GJB7: variants seen among roughly 807,000 people sequenced by gnomAD.
GJB7 encodes gap junction protein beta 7.
For missense variants in GJB7, 253 were observed against 256.8 expected (o/e 0.99, Z 0.10); for synonymous variants, 87 against 95.2 (o/e 0.91, Z 0.50).
chr6:87,289,620 A>G (rs1319470125), intron 2 of GJB7, among the ~76,000 whole-genome samples: 1 of 152,210 alleles, frequency 6.6e-6, no homozygotes, highest in Non-Finnish European at 1.5e-5. Context: ...ATCCCTTAGA[A>G]TAGATTGAGT....
chr6:87,300,784 T>G (rs977652901), intron 2 of GJB7, among the ~76,000 whole-genome samples: 1 of 152,242 alleles, frequency 6.6e-6, no homozygotes, highest in Non-Finnish European at 1.5e-5. Flanking sequence ...ATTTTAGTGC[T>G]TACTATCACC....
intron 2 of GJB7, among the ~76,000 whole-genome samples, chr6:87,286,323 C>T (rs1386364509): frequency 6.6e-6 from 1 of 152,198 alleles, no homozygotes; most frequent in African/African-American, 2.4e-5. Flanking sequence ...ACCCAAGCGC[C>T]TGTCAGAAAT....
chr6:87,298,794 T>G (rs1450476749), intron 2 of GJB7: 1 of 285,746 alleles, frequency 3.5e-6, no homozygotes, highest in Non-Finnish European at 7.3e-6. Context: ...CCCACAGTCT[T>G]GCCAGATGAG....
chr6:87,291,418 C>T (rs775883794), intron 2 of GJB7, among the ~76,000 whole-genome samples: 13 of 152,184 alleles, frequency 8.5e-5, no homozygotes, highest in Non-Finnish European at 1.3e-4. Context: ...ACACCACTTG[C>T]AAGGTTTTTA....
chr6:87,286,631 C>G (rs753216508), intron 2 of GJB7, among the ~76,000 whole-genome samples: 2 of 152,310 alleles, frequency 1.3e-5, no homozygotes, highest in Non-Finnish European at 2.9e-5. Flanking sequence ...TTCTTTCTGG[C>G]ACTGACTGCT....
chr6:87,299,963 G>T, intron 2 of GJB7: 1 of 327,742 alleles, frequency 3.1e-6, no homozygotes. Flanking sequence ...TGGAGTAGCA[G>T]TGCTGAAGGC....
chr6:87,314,886 C>T (rs1304369154), intron 2 of GJB7, among the ~76,000 whole-genome samples: 3 of 152,160 alleles, frequency 2.0e-5, no homozygotes, highest in African/African-American at 4.8e-5. Context: ...ACAGAACTGA[C>T]ATTCTAATGG....
chr6:87,322,905 A>G lies in GJB7; in HGVS notation c.-67T>C, dbSNP rs1218680698. On this transcript the variant is annotated 5_prime_UTR_variant, in exon 2 of 3. Transcript: ENST00000525899. ...TTTGTTCGGTGCTTCATCCATGGAC[A>G]CCCCCACCCCGAGAACTCTCTCGTT... 1 of 151,506 alleles carries G rather than the reference A, an allele frequency of 6.6e-6. No individual in the cohort carries two copies. Among genetic ancestry groups the G allele is most frequent in the Non-Finnish European group, 1.5e-5 (1 of 67,972 alleles). The allele number at this position is 151,506 out of a possible 1,614,324, so 9.4% of individuals were successfully genotyped here.
At chr6:87,314,048 TC>T (rs1776547236) in intron 2 of GJB7, among the ~76,000 whole-genome samples, 1 of 152,240 alleles carries the variant, frequency 6.6e-6, no homozygotes. Context: ...CTGGGACATC[TC>T]CCCTAAATAG....
intron 2 of GJB7, among the ~76,000 whole-genome samples, chr6:87,308,272 T>C (rs1776462731): frequency 6.6e-6 from 1 of 152,154 alleles, no homozygotes; most frequent in Non-Finnish European, 1.5e-5. Flanking sequence ...ATATACCTAA[T>C]GTAAATGACA....
chr6:87,296,013 G>T lies in GJB7; in HGVS notation c.-27-11074C>A, dbSNP rs532943319. 6.5e-3 allele frequency among the ~76,000 whole-genome samples: 990 copies of T among 152,280 alleles called. 14 individuals are homozygous for T. The highest frequency in any genetic ancestry group is 0.022 in the African/African-American group (896 of 41,550). On this transcript the variant is annotated intron_variant, in intron 2 of 2. Coordinates refer to ENST00000525899, the MANE Select transcript of GJB7 (RefSeq NM_198568.3). ...CCCTAATTAGTTTTCTGGTTGTTGAGTCAACAAATGAAAAGCCATATTTCA... is the reference window on the plus strand; with the variant it reads ...CCCTAATTAGTTTTCTGGTTGTTGATTCAACAAATGAAAAGCCATATTTCA...
intron 2 of GJB7, among the ~76,000 whole-genome samples, chr6:87,313,324 G>A (rs1247615162): frequency 2.0e-5 from 3 of 152,168 alleles, no homozygotes; most frequent in African/African-American, 7.2e-5. Flanking sequence ...GAGGCATTAT[G>A]GGACACCCTT....
At position 87,284,609 on chromosome 6, in the gene GJB7, CTCTACCCTCA is replaced by C; in HGVS notation, c.294_303del (p.His98GlnfsTer55). ...TAGAGTTTCTTTCTGTGCCTTTTCT[CTCTACCCTCA>C]TGATAGGCTACATGTAAAACCACCA... On this transcript the variant is annotated frameshift_variant, in exon 3 of 3. Transcript: ENST00000525899. LOFTEE classifies it low-confidence loss of function (END_TRUNC). The C allele has an allele frequency of 6.2e-7, 1 of 1,614,194 alleles. No individual in the cohort carries two copies. Among genetic ancestry groups the C allele is most frequent in the Non-Finnish European group, 8.5e-7 (1 of 1,180,038 alleles).
chr6:87,304,628 C>G (rs549318527), intron 2 of GJB7, among the ~76,000 whole-genome samples: 13 of 152,286 alleles, frequency 8.5e-5, no homozygotes, highest in African/African-American at 3.1e-4. Context: ...CCTTCTGAAA[C>G]TATTCCAATC....
chr6:87,296,853 A>ATGATTATT (rs1432973200), intron 2 of GJB7, among the ~76,000 whole-genome samples: 5 of 152,308 alleles, frequency 3.3e-5, no homozygotes, highest in Non-Finnish European at 5.9e-5. Context: ...TTCTTGGTCT[A>ATGATTATT]TGATTATTTC....
chr6:87,292,314 A>G (rs1340560164), intron 2 of GJB7, among the ~76,000 whole-genome samples: 1 of 152,254 alleles, frequency 6.6e-6, no homozygotes, highest in Non-Finnish European at 1.5e-5. Flanking sequence ...ATCAAAAGCT[A>G]CTTACCAAAA....
intron 2 of GJB7, 108 bp from the exon 3 acceptor site, chr6:87,285,047 A>T (rs1776037358): frequency 2.8e-6 from 2 of 717,862 alleles, no homozygotes; most frequent in African/African-American, 3.6e-5. Context: ...CATTATAACA[A>T]CTCTGGTGGT....
At chr6:87,318,981 G>T (rs1181470730) in intron 2 of GJB7, among the ~76,000 whole-genome samples, 1 of 152,138 alleles carries the variant, frequency 6.6e-6, no homozygotes, top group Admixed American at 6.5e-5. Context: ...TTTAAAAAGC[G>T]CTAGTGGCAT....
intron 1 of GJB7, among the ~76,000 whole-genome samples, chr6:87,323,419 C>A (rs1489609313): frequency 9.1e-6 from 1 of 110,320 alleles, no homozygotes; most frequent in Non-Finnish European, 1.8e-5. Flanking sequence ...TGCTATCCCT[C>A]CCCCCTCCCC....
Sources: allele counts gnomAD v4.1 joint callset (sites outside exome capture counted in the v4.1 genomes callset), GRCh38; gene constraint gnomAD v4.1.1; transcripts MANE v1.5; gene names NCBI Gene and HGNC (gene_info 2026-07-23, HGNC 2026-07-21).